Variants in RBMS3 observed in about 807,000 individuals in gnomAD.
The protein encoded by RBMS3 is RNA-binding motif, single-stranded-interacting protein 3.
In RBMS3, 27 loss-of-function variants were observed where a neutral mutation model predicts 66.8. That is an observed-to-expected ratio of 0.40 (90% CI 0.30 to 0.56). The LOEUF (loss-of-function observed/expected upper bound fraction) is 0.56, where lower values mean the gene tolerates loss of function less well. Among genes scored for constraint, RBMS3 ranks in the 20% least tolerant of loss-of-function variants. The pLI is 0.40. For missense variants in RBMS3, 513 were observed against 549.5 expected, an observed-to-expected ratio of 0.93 and a Z score of 0.66; for synonymous variants, 188 against 183.0, an observed-to-expected ratio of 1.03 and a Z score of -0.22.
intron 6 of RBMS3, among the ~76,000 whole-genome samples, chr3:29,822,548 G>A (rs960386366): frequency 2.6e-5 from 4 of 152,010 alleles, no homozygotes; most frequent in South Asian, 2.1e-4. Flanking sequence ...TTTGGCTTTC[G>A]ATTGAGTTTC....
At chr3:29,929,524 G>A (rs1456018473) in intron 10 of RBMS3, among the ~76,000 whole-genome samples, 1 of 151,906 alleles carries the variant, frequency 6.6e-6, no homozygotes, top group Non-Finnish European at 1.5e-5. Context: ...ACATAATTAG[G>A]ATTCTTTTAA....
At chr3:29,984,292 A>G (rs1013556014) in intron 12 of RBMS3, among the ~76,000 whole-genome samples, 1 of 151,814 alleles carries the variant, frequency 6.6e-6, no homozygotes, top group Non-Finnish European at 1.5e-5. Context: ...TAAACGGGTT[A>G]TTCTAGTCAG....
chr3:29,286,508 T>A (rs1041366662), intron 1 of RBMS3, among the ~76,000 whole-genome samples: 2 of 152,152 alleles, frequency 1.3e-5, no homozygotes, highest in African/African-American at 4.8e-5. Flanking sequence ...CATGTATATT[T>A]AACAGCATCT....
At chr3:29,290,747 G>A (rs1447475791) in intron 1 of RBMS3, 1 of 151,722 alleles carries the variant, frequency 6.6e-6, no homozygotes, top group Non-Finnish European at 1.5e-5. Context: ...TAACTTTGTT[G>A]TTGAGCTGGA....
At chr3:29,981,254 G>T (rs1300705196) in intron 12 of RBMS3, among the ~76,000 whole-genome samples, 1 of 152,132 alleles carries the variant, frequency 6.6e-6, no homozygotes, top group Non-Finnish European at 1.5e-5. Context: ...GTATAGAAAT[G>T]CTTGTGATTT....
chr3:29,303,014 C>A (rs2033782923), intron 1 of RBMS3, among the ~76,000 whole-genome samples: 1 of 151,964 alleles, frequency 6.6e-6, no homozygotes, highest in Admixed American at 6.6e-5. Context: ...TTCTAATGAT[C>A]TCAGTGTGTG....
intron 4 of RBMS3, among the ~76,000 whole-genome samples, chr3:29,607,647 A>AT (rs1035521093): frequency 9.2e-5 from 14 of 151,654 alleles, no homozygotes; most frequent in Admixed American, 2.0e-4. Context: ...TCTGAATTTG[A>AT]TTTTTTTTCC....
rs553179866 is a variant in RBMS3 at position 29,801,272 on chromosome 3, C to CTTTTTTTCTTTT, written c.637+38290_637+38291insCTTTTTTTTTTT. Among the ~76,000 whole-genome samples, 542 of 129,450 alleles carry CTTTTTTTCTTTT rather than the reference C, an allele frequency of 4.2e-3. 11 individuals are homozygous for CTTTTTTTCTTTT. Among genetic ancestry groups the CTTTTTTTCTTTT allele is most frequent in the African/African-American group, 0.013 (449 of 33,296 alleles). The allele number at this position is 129,450 out of a possible 152,430, so 84.9% of individuals were successfully genotyped here. ...AACTTGAAGAATCATTGCTTTTTTT[C>CTTTTTTTCTTTT]TTTTTTTTTTTTTGAGACAAAGTCT... On this transcript the variant is annotated intron_variant, in intron 6 of 14. Transcript: ENST00000383767.
At chr3:29,661,245 G>T (rs752564698) in intron 4 of RBMS3, among the ~76,000 whole-genome samples, 4 of 152,174 alleles carry the variant, frequency 2.6e-5, no homozygotes, top group Non-Finnish European at 5.9e-5. Context: ...TGCAATTGTT[G>T]TCCAGGTGGG....
intron 2 of RBMS3, among the ~76,000 whole-genome samples, chr3:29,438,405 A>G (rs1427101449): frequency 1.3e-5 from 2 of 152,172 alleles, no homozygotes; most frequent in Non-Finnish European, 2.9e-5. Flanking sequence ...AGTATATTAT[A>G]TCCATGTTAA....
At chr3:29,452,669 T>C (rs1026772940) in intron 2 of RBMS3, among the ~76,000 whole-genome samples, 3 of 152,154 alleles carry the variant, frequency 2.0e-5, no homozygotes, top group Non-Finnish European at 4.4e-5. Context: ...TTATTATTAA[T>C]GTCCCATCAA....
chr3:29,373,658 G>A (rs1159744648), intron 1 of RBMS3, among the ~76,000 whole-genome samples: 4 of 152,174 alleles, frequency 2.6e-5, no homozygotes, highest in African/African-American at 9.7e-5. Context: ...AAGCAAACAA[G>A]TAGCAAGTAA....
chr3:29,757,195 T>G (rs1311316978), intron 5 of RBMS3, among the ~76,000 whole-genome samples: 1 of 152,176 alleles, frequency 6.6e-6, no homozygotes, highest in Non-Finnish European at 1.5e-5. Flanking sequence ...TAGTCTGTTC[T>G]GAATAACAAA....
intron 3 of RBMS3, among the ~76,000 whole-genome samples, chr3:29,497,533 C>A (rs2043800368): frequency 6.6e-6 from 1 of 152,164 alleles, no homozygotes; most frequent in Non-Finnish European, 1.5e-5. Flanking sequence ...AAAATGCTCT[C>A]TCTTCCTACC....
chr3:29,998,213 G>A (rs1390472693), intron 14 of RBMS3, among the ~76,000 whole-genome samples: 2 of 152,158 alleles, frequency 1.3e-5, no homozygotes, highest in Non-Finnish European at 2.9e-5. Flanking sequence ...TACAAGAGAT[G>A]TGAAGGACCT....
At chr3:29,897,758 A>G (rs2060160026) in intron 9 of RBMS3, among the ~76,000 whole-genome samples, 1 of 151,478 alleles carries the variant, frequency 6.6e-6, no homozygotes, top group Non-Finnish European at 1.5e-5. Context: ...CACCACTGGG[A>G]AATTATTTTG....
At chr3:29,907,852 G>T (rs990917939) in intron 10 of RBMS3, among the ~76,000 whole-genome samples, 2 of 151,832 alleles carry the variant, frequency 1.3e-5, no homozygotes, top group African/African-American at 4.8e-5. Context: ...TTAGTTTTGG[G>T]GAAGAGATGC....
intron 4 of RBMS3, among the ~76,000 whole-genome samples, chr3:29,695,531 C>T (rs1337243934): frequency 1.3e-5 from 2 of 152,094 alleles, no homozygotes. Flanking sequence ...TTCTTCACTT[C>T]TAGAGTTGTT....
At chr3:29,794,004 C>T (rs981417428) in intron 6 of RBMS3, among the ~76,000 whole-genome samples, 1 of 152,184 alleles carries the variant, frequency 6.6e-6, no homozygotes, top group Non-Finnish European at 1.5e-5. Flanking sequence ...TCTCTTGCTC[C>T]TATTCTTGCC....
Sources: allele counts gnomAD v4.1 joint callset (sites outside exome capture counted in the v4.1 genomes callset), GRCh38; gene constraint gnomAD v4.1.1; transcripts MANE v1.5; gene names NCBI Gene and HGNC (gene_info 2026-07-23, HGNC 2026-07-21).